The following TRAPPC9 variants were observed in gnomAD, a reference collection of about 807,000 sequenced individuals.
The protein encoded by TRAPPC9 is trafficking protein particle complex subunit 9.
A neutral mutation model predicts 124.0 loss-of-function variants in TRAPPC9; 83 were observed. The ratio of observed to expected loss-of-function variants is 0.67; its 90% CI spans 0.56 to 0.80. TRAPPC9 has a LOEUF of 0.80. Among genes scored for constraint, TRAPPC9 ranks in the 30% least tolerant of loss-of-function variants. The probability of loss-of-function intolerance (pLI) is 0.00; values close to 1 mark genes in which losing one functional copy is unlikely to be tolerated. For missense variants in TRAPPC9, 1,302 were observed against 1,508.3 expected (o/e 0.86, Z 2.27); for synonymous variants, 638 against 617.5 (o/e 1.03, Z -0.49).
At chr8:140,088,920 C>T (rs1348583185) in intron 17 of TRAPPC9, among the ~76,000 whole-genome samples, 4 of 152,158 alleles carry the variant, frequency 2.6e-5, no homozygotes, top group South Asian at 2.1e-4. Context: ...TCTCAGCACA[C>T]GTAAATGCAG....
rs1230442025 is a variant in TRAPPC9, at chr8:140,097,928, G to A, written c.2557-73849C>T. The stretch of plus-strand genomic sequence containing the variant: ...AGCTGCAGAATTGCCGCCGTCTGAA[G>A]GATAAGGATGCCCACCAACATACGC... On this transcript the variant is annotated intron_variant, in intron 17 of 22. Transcript: ENST00000438773. The surrounding 1 kb of genome is among the most constrained non-coding windows in gnomAD (Gnocchi z 4.2). 1 of 152,304 alleles carries A rather than the reference G, an allele frequency of 6.6e-6. No individual in the cohort carries two copies. Among genetic ancestry groups the A allele is most frequent in the Admixed American group, 6.5e-5 (1 of 15,270 alleles). 9.4% of individuals were successfully genotyped at this position (152,304 alleles called of 1,614,324 possible). A position where few individuals can be genotyped will look rare whatever the true frequency, so the allele number is the denominator to read the frequency against.
chr8:139,931,198 A>G (rs1481028439), intron 19 of TRAPPC9: 1 of 152,236 alleles, frequency 6.6e-6, no homozygotes, highest in Non-Finnish European at 1.5e-5. Context: ...GAAAAATGAG[A>G]ATATTAACCA....
chr8:140,133,090 C>T (rs1434062073), intron 17 of TRAPPC9, among the ~76,000 whole-genome samples: 3 of 152,168 alleles, frequency 2.0e-5, no homozygotes, highest in African/African-American at 7.2e-5. Flanking sequence ...GAAACAAGAT[C>T]AAGCCAAAGA....
At chr8:140,313,982 G>A (rs999205400) in intron 9 of TRAPPC9, among the ~76,000 whole-genome samples, 1 of 152,114 alleles carries the variant, frequency 6.6e-6, no homozygotes, top group Non-Finnish European at 1.5e-5. Context: ...TCTCCTAAAG[G>A]ATTCAAGTGT....
intron 4 of TRAPPC9, among the ~76,000 whole-genome samples, chr8:140,434,838 C>T (rs140068172): frequency 4.6e-4 from 70 of 152,042 alleles, no homozygotes; most frequent in African/African-American, 9.2e-4. Context: ...TGTGTGGTGG[C>T]GGGCGCCTGT....
intron 16 of TRAPPC9, among the ~76,000 whole-genome samples, chr8:140,244,197 C>T (rs1375432703): frequency 1.3e-5 from 2 of 152,214 alleles, no homozygotes; most frequent in Admixed American, 1.3e-4. Flanking sequence ...GAGTGGATAA[C>T]AGCAGGACAA....
At chr8:140,377,754 G>A (rs768445822) in intron 7 of TRAPPC9, among the ~76,000 whole-genome samples, 17 of 151,972 alleles carry the variant, frequency 1.1e-4, no homozygotes, top group African/African-American at 2.2e-4. Context: ...CTGCCTGTCC[G>A]AAATAGACTA....
chr8:139,741,437 T>G lies in TRAPPC9; in HGVS notation c.3056-9235A>C, dbSNP rs531711211. 1.1e-4 allele frequency among the ~76,000 whole-genome samples: 17 copies of G among 152,288 alleles called. No individual in the cohort carries two copies. The South Asian group carries it at 3.5e-3, about 32-fold the overall frequency. On this transcript the variant is annotated intron_variant, in intron 21 of 22. Transcript: ENST00000438773. The stretch of plus-strand genomic sequence containing the variant: ...GTCCCAGGTGAACAGCAGTAGGTGC[T>G]GAGCCCCCACTGGATTCCTGGGCTC...
chr8:139,985,448 T>C (rs1250622864), intron 19 of TRAPPC9, among the ~76,000 whole-genome samples: 1 of 152,188 alleles, frequency 6.6e-6, no homozygotes, highest in Non-Finnish European at 1.5e-5. Flanking sequence ...CCCCAGAGGA[T>C]GCATCGATGC....
At chr8:140,282,290 G>T (rs1486679039) in intron 14 of TRAPPC9, among the ~76,000 whole-genome samples, 3 of 152,020 alleles carry the variant, frequency 2.0e-5, no homozygotes, top group Non-Finnish European at 4.4e-5. Flanking sequence ...ATCACTTGAG[G>T]TCAGGAGTTT....
chr8:140,129,038 C>A (rs2061153152), intron 17 of TRAPPC9, among the ~76,000 whole-genome samples: 1 of 148,826 alleles, frequency 6.7e-6, no homozygotes, highest in African/African-American at 2.5e-5. Context: ...TCCTACAGAT[C>A]TGCTGCTCTG....
At chr8:140,173,471 G>A (rs966386075) in intron 17 of TRAPPC9, among the ~76,000 whole-genome samples, 16 of 150,458 alleles carry the variant, frequency 1.1e-4, no homozygotes, top group East Asian at 4.0e-4. Context: ...GGAGAATGGC[G>A]TGAACCCAGG....
intron 15 of TRAPPC9, among the ~76,000 whole-genome samples, chr8:140,264,941 G>C (rs2064575261): frequency 6.6e-6 from 1 of 152,108 alleles, no homozygotes; most frequent in African/African-American, 2.4e-5. Context: ...AGAACACCAA[G>C]CCTCCAGCAC....
intron 7 of TRAPPC9, among the ~76,000 whole-genome samples, chr8:140,391,627 G>A (rs182216002): frequency 4.1e-4 from 62 of 151,086 alleles, no homozygotes; most frequent in Non-Finnish European, 7.7e-4. Context: ...CAGGAGAATC[G>A]CTTGAACCCA....
chr8:139,801,923 G>A (rs77045601), intron 21 of TRAPPC9, among the ~76,000 whole-genome samples: 5 of 152,158 alleles, frequency 3.3e-5, no homozygotes, highest in Non-Finnish European at 5.9e-5. Flanking sequence ...AATCCGCCAG[G>A]GAGTCTCTGA....
chr8:139,895,679 G>T (rs1830625100), intron 20 of TRAPPC9, among the ~76,000 whole-genome samples: 2 of 152,218 alleles, frequency 1.3e-5, no homozygotes, highest in South Asian at 4.1e-4. Context: ...GCACTTGAGT[G>T]TGGGCCTCAC....
chr8:140,381,056 T>G (rs918695515), intron 7 of TRAPPC9, among the ~76,000 whole-genome samples: 1 of 151,656 alleles, frequency 6.6e-6, no homozygotes, highest in Non-Finnish European at 1.5e-5. Flanking sequence ...AATACAAAAA[T>G]TAGCCATGTG....
chr8:139,904,296 G>A (rs1279526919), intron 20 of TRAPPC9: 1 of 152,262 alleles, frequency 6.6e-6, no homozygotes, highest in Non-Finnish European at 1.5e-5. Context: ...CAAGAATGAA[G>A]TACTGGGTGT....
At chr8:139,797,644 T>C (rs1011598821) in intron 21 of TRAPPC9, among the ~76,000 whole-genome samples, 15 of 152,254 alleles carry the variant, frequency 9.9e-5, no homozygotes, top group Non-Finnish European at 1.5e-4. Context: ...AAGAATTCTG[T>C]GTTTTCTCCT....
Sources: allele counts gnomAD v4.1 joint callset (sites outside exome capture counted in the v4.1 genomes callset), GRCh38; gene constraint gnomAD v4.1.1; non-coding constraint Gnocchi (gnomAD v3.1); transcripts MANE v1.5; gene names NCBI Gene and HGNC (gene_info 2026-07-23, HGNC 2026-07-21).